The following CDH4 variants were observed in gnomAD, a reference collection of about 807,000 sequenced individuals.
CDH4 encodes the protein cadherin 4.
Under a neutral mutation model 86.0 loss-of-function variants are expected in CDH4, and 33 were observed. The ratio of observed to expected loss-of-function variants is 0.38; its 90% CI spans 0.29 to 0.51. CDH4 has a LOEUF of 0.51. CDH4 is among the 20% of genes least tolerant of loss of function. CDH4 has a pLI of 0.86. For missense variants in CDH4, 1,114 were observed against 1,307.4 expected (o/e 0.85, Z 2.28); for synonymous variants, 555 against 549.4 (o/e 1.01, Z -0.14).
chr20:61,674,451 G>C (rs145721596), intron 2 of CDH4, among the ~76,000 whole-genome samples: 87 of 152,272 alleles, frequency 5.7e-4, no homozygotes, highest in African/African-American at 1.9e-3. Context: ...CAATGGGAAG[G>C]ACACATGACA....
intron 7 of CDH4, among the ~76,000 whole-genome samples, chr20:61,885,759 G>A (rs749255586): frequency 2.6e-5 from 4 of 152,150 alleles, no homozygotes; most frequent in East Asian, 1.9e-4. Context: ...TCTTCATGCC[G>A]GAGTCACATT....
intron 4 of CDH4, among the ~76,000 whole-genome samples, chr20:61,774,884 C>T (rs538992968): frequency 5.3e-5 from 8 of 152,296 alleles, no homozygotes; most frequent in African/African-American, 1.9e-4. Flanking sequence ...CATAGTATTC[C>T]ATGGTGTATT....
rs187168549 is a variant in CDH4, at chr20:61,635,486, T to A, written c.170-108077T>A. Among the ~76,000 whole-genome samples, 149 of 152,344 alleles carry A rather than the reference T, an allele frequency of 9.8e-4. 1 individual carries two copies. Among genetic ancestry groups the A allele is most frequent in the African/African-American group, 3.3e-3 (136 of 41,590 alleles). On this transcript the variant is annotated intron_variant, in intron 2 of 15. Transcript: ENST00000614565. ...AGAGGGAGGGCCTTTTGCCTGCGTT[T>A]TGAAGGCAGACCTTCAGGGTCTCAG...
intron 2 of CDH4, among the ~76,000 whole-genome samples, chr20:61,533,599 G>A (rs916964887): frequency 2.6e-5 from 4 of 152,238 alleles, no homozygotes; most frequent in African/African-American, 9.6e-5. Flanking sequence ...CCCATGAGGG[G>A]CCCCTCTGGC....
At chr20:61,362,430 A>G (rs914890722) in intron 2 of CDH4, among the ~76,000 whole-genome samples, 2 of 148,964 alleles carry the variant, frequency 1.3e-5, no homozygotes, top group African/African-American at 2.5e-5. Flanking sequence ...GTGGCCTAGG[A>G]CAGTGTAGTG....
At chr20:61,716,615 A>G (rs1019844433) in intron 2 of CDH4, among the ~76,000 whole-genome samples, 16 of 152,304 alleles carry the variant, frequency 1.1e-4, no homozygotes, top group African/African-American at 3.8e-4. Flanking sequence ...GCTTCATCTA[A>G]TAGCTGAGGT....
At chr20:61,842,808 T>C (rs1237724821) in intron 4 of CDH4, among the ~76,000 whole-genome samples, 1 of 152,202 alleles carries the variant, frequency 6.6e-6, no homozygotes, top group Non-Finnish European at 1.5e-5. Context: ...CCTTTCCTTG[T>C]GGGATTGAGC....
At chr20:61,816,941 T>C (rs192513799) in intron 4 of CDH4, among the ~76,000 whole-genome samples, 2 of 152,326 alleles carry the variant, frequency 1.3e-5, no homozygotes, top group Admixed American at 6.5e-5. Flanking sequence ...TAATTCGATA[T>C]CATGGCAGTG....
At chr20:61,787,418 C>T (rs113647718) in intron 4 of CDH4, among the ~76,000 whole-genome samples, 8,253 of 152,210 alleles carry the variant, frequency 0.054, 713 homozygotes, top group African/African-American at 0.19. Context: ...CCTTATAAAA[C>T]CATCAGCTCT....
In CDH4 at chr20:61,652,938, A is replaced by ATTTATTTTTTTTTTTT. The variant is rs1555819716; in HGVS notation, c.170-90622_170-90621insATTTTTTTTTTTTTTT. On this transcript the variant is annotated intron_variant, in intron 2 of 15. Transcript: ENST00000614565. ...TTTGAATTTATTTATTTATTTATTT[A>ATTTATTTTTTTTTTTT]TTTTTTTTTTTTTTTTTATTGATCA... 4.9e-3 allele frequency among the ~76,000 whole-genome samples: 469 copies of ATTTATTTTTTTTTTTT among 96,562 alleles called. 4 individuals are homozygous for ATTTATTTTTTTTTTTT. The highest frequency in any genetic ancestry group is 8.2e-3 in the Admixed American group (77 of 9,356). The allele number at this position is 96,562 out of a possible 152,430, so 63.3% of individuals were successfully genotyped here.
At chr20:61,652,930 A>ATTTTTTTTTTTTTTTT (rs1200927520) in intron 2 of CDH4, among the ~76,000 whole-genome samples, 19 of 108,048 alleles carry the variant, frequency 1.8e-4, no homozygotes, top group African/African-American at 3.1e-4. Context: ...TTATTTATTT[A>ATTTTTTTTTTTTTTTT]TTTATTTATT....
intron 3 of CDH4, among the ~76,000 whole-genome samples, chr20:61,748,019 G>A (rs1440525524): frequency 6.6e-6 from 1 of 152,186 alleles, no homozygotes; most frequent in Non-Finnish European, 1.5e-5. Flanking sequence ...CTCAAAAGCA[G>A]ACAGAAAAGG....
intron 4 of CDH4, among the ~76,000 whole-genome samples, chr20:61,818,463 C>T (rs1359988304): frequency 6.6e-6 from 1 of 152,078 alleles, no homozygotes; most frequent in African/African-American, 2.4e-5. Flanking sequence ...TGGCTTGAGG[C>T]CAGGAATTCC....
At chr20:61,885,402 T>C (rs1011409999) in intron 7 of CDH4, among the ~76,000 whole-genome samples, 2 of 152,210 alleles carry the variant, frequency 1.3e-5, no homozygotes, top group Non-Finnish European at 2.9e-5. Flanking sequence ...GCTCCTTCCA[T>C]GCATGGCGTT....
intron 5 of CDH4, among the ~76,000 whole-genome samples, chr20:61,846,948 G>A (rs558437262): frequency 5.4e-4 from 83 of 152,322 alleles, no homozygotes; most frequent in African/African-American, 1.9e-3. Context: ...CATCTGAGGG[G>A]CACCAGAAGT....
At chr20:61,887,894 G>A (rs923567202) in intron 7 of CDH4, among the ~76,000 whole-genome samples, 1 of 152,218 alleles carries the variant, frequency 6.6e-6, no homozygotes, top group Admixed American at 6.5e-5. Context: ...TACGCTGCAG[G>A]ATGGGTGGCC....
At chr20:61,767,957 C>T (rs574880370) in intron 3 of CDH4, among the ~76,000 whole-genome samples, 9 of 152,306 alleles carry the variant, frequency 5.9e-5, no homozygotes, top group Admixed American at 2.0e-4. Context: ...CCCAGGTGTC[C>T]GTGAGTGGAT....
intron 2 of CDH4, among the ~76,000 whole-genome samples, chr20:61,647,383 G>A (rs1026550462): frequency 6.6e-6 from 1 of 152,174 alleles, no homozygotes; most frequent in Non-Finnish European, 1.5e-5. Flanking sequence ...GATTCACATA[G>A]AATTGTAAAA....
chr20:61,849,591 C>T (rs961102481), intron 5 of CDH4, among the ~76,000 whole-genome samples: 1 of 152,128 alleles, frequency 6.6e-6, no homozygotes, highest in Admixed American at 6.5e-5. Context: ...GGACCTGCCT[C>T]TAGGCTCACT....
Sources: allele counts gnomAD v4.1 joint callset (sites outside exome capture counted in the v4.1 genomes callset), GRCh38; gene constraint gnomAD v4.1.1; transcripts MANE v1.5; gene names NCBI Gene and HGNC (gene_info 2026-07-23, HGNC 2026-07-21).